ROR1: variants seen among roughly 807,000 people sequenced by gnomAD.
The protein encoded by ROR1 is inactive tyrosine-protein kinase transmembrane receptor ROR1.
A neutral mutation model predicts 78.8 loss-of-function variants in ROR1; 19 were observed. The ratio of observed to expected loss-of-function variants is 0.24; its 90% CI spans 0.17 to 0.35. The LOEUF is 0.35. Among genes scored for constraint, ROR1 ranks in the 10% least tolerant of loss-of-function variants. The pLI, the probability that ROR1 is intolerant of heterozygous loss-of-function variation, is 1.00. For missense variants in ROR1, 917 were observed against 1,177.8 expected (o/e 0.78, Z 3.24); for synonymous variants, 386 against 433.6 (o/e 0.89, Z 1.36).
intron 4 of ROR1, among the ~76,000 whole-genome samples, chr1:64,101,626 C>T (rs899078114): frequency 5.3e-5 from 8 of 152,056 alleles, no homozygotes; most frequent in Admixed American, 3.9e-4. Flanking sequence ...GCTTGTGGAG[C>T]TTACATTCTT....
intron 1 of ROR1, among the ~76,000 whole-genome samples, chr1:64,000,203 G>C (rs1646371407): frequency 6.6e-6 from 1 of 151,962 alleles, no homozygotes. Flanking sequence ...CAGTCAAGTG[G>C]AAATAGGAAA....
At chr1:64,088,992 A>AT (rs1168216535) in intron 4 of ROR1, among the ~76,000 whole-genome samples, 4 of 151,712 alleles carry the variant, frequency 2.6e-5, no homozygotes, top group African/African-American at 4.8e-5. Flanking sequence ...TTTTTTAAGA[A>AT]TTTTTTTTAC....
intron 1 of ROR1, among the ~76,000 whole-genome samples, chr1:63,874,998 C>T (rs1287923859): frequency 6.6e-6 from 1 of 152,112 alleles, no homozygotes; most frequent in South Asian, 2.1e-4. Flanking sequence ...ACTAATGGAA[C>T]CAGCATTTGC....
At chr1:64,154,854 C>G (rs1649729093) in intron 7 of ROR1, among the ~76,000 whole-genome samples, 1 of 152,272 alleles carries the variant, frequency 6.6e-6, no homozygotes, top group East Asian at 1.9e-4. Context: ...CCGATTTTCT[C>G]TGTAATGCAT....
At chr1:64,096,974 G>A (rs945554423) in intron 4 of ROR1, among the ~76,000 whole-genome samples, 2 of 151,754 alleles carry the variant, frequency 1.3e-5, no homozygotes, top group African/African-American at 4.8e-5. Context: ...TGATGTCAAG[G>A]ATTCTGACAA....
intron 1 of ROR1, among the ~76,000 whole-genome samples, chr1:63,931,039 G>C (rs1218113466): frequency 6.6e-6 from 1 of 152,158 alleles, no homozygotes; most frequent in Non-Finnish European, 1.5e-5. Flanking sequence ...CCCAACACCT[G>C]GGGAGGCCAA....
intron 1 of ROR1, among the ~76,000 whole-genome samples, chr1:63,845,316 T>G (rs560955480): frequency 6.6e-6 from 1 of 152,318 alleles, no homozygotes; most frequent in East Asian, 1.9e-4. Context: ...TATTAAATGT[T>G]TAAGGTATCA....
intron 1 of ROR1, among the ~76,000 whole-genome samples, chr1:63,890,763 T>C (rs1425608270): frequency 6.6e-6 from 1 of 152,068 alleles, no homozygotes; most frequent in Non-Finnish European, 1.5e-5. Context: ...TGGTCCATTT[T>C]GGAGCAAGAA....
chr1:64,168,895 G>T (rs1264421072), intron 8 of ROR1, among the ~76,000 whole-genome samples: 1 of 152,172 alleles, frequency 6.6e-6, no homozygotes, highest in Non-Finnish European at 1.5e-5. Context: ...TTTATTCCAG[G>T]GGCTCTCAAA....
rs539523332 is a variant in ROR1, at chr1:64,179,308, T to C, written c.*453T>C. On this transcript the variant is annotated 3_prime_UTR_variant, in exon 9 of 9. Transcript: ENST00000371079. ...TTCTTCAGGACAGATGTTCAGGAAT[T>C]ATATTGATTGAATTTAGACTCTGTG... 1 of 155,562 alleles carries C rather than the reference T, an allele frequency of 6.4e-6. No homozygotes were observed. Among genetic ancestry groups the C allele is most frequent in the African/African-American group, 2.4e-5 (1 of 41,602 alleles). 9.6% of individuals were successfully genotyped at this position (155,562 alleles called of 1,614,324 possible).
chr1:63,803,852 G>T (rs1557504477), intron 1 of ROR1, among the ~76,000 whole-genome samples: 1 of 152,098 alleles, frequency 6.6e-6, no homozygotes. Context: ...CCATACCGTG[G>T]AATACTACTT....
chr1:64,137,606 G>C (rs1649160068), intron 5 of ROR1, 110 bp downstream of exon 5: 2 of 1,023,734 alleles, frequency 2.0e-6, no homozygotes, highest in Admixed American at 2.4e-5. Flanking sequence ...ATGGAGGTTG[G>C]GAGCAGGACC....
At chr1:63,985,296 A>G (rs981090263) in intron 1 of ROR1, among the ~76,000 whole-genome samples, 3 of 152,174 alleles carry the variant, frequency 2.0e-5, no homozygotes, top group Admixed American at 6.6e-5. Flanking sequence ...AAGAGCTTCA[A>G]TGCAACAAAC....
chr1:64,142,708 C>A, intron 7 of ROR1, 58 bp downstream of exon 7: 1 of 1,597,402 alleles, frequency 6.3e-7, no homozygotes, highest in South Asian at 1.1e-5. Flanking sequence ...CCCTATCCTA[C>A]CCCTCTTATT....
intron 5 of ROR1, among the ~76,000 whole-genome samples, chr1:64,138,287 T>C: frequency 6.6e-6 from 1 of 152,178 alleles, no homozygotes; most frequent in East Asian, 1.9e-4. Flanking sequence ...CAAATAAAAA[T>C]TCAGGATACC....
At chr1:63,887,200 T>C in intron 1 of ROR1, among the ~76,000 whole-genome samples, 1 of 128,478 alleles carries the variant, frequency 7.8e-6, no homozygotes, top group South Asian at 2.9e-4. Context: ...CCCTACTATT[T>C]CCTGTTTTGT....
chr1:63,866,880 A>G (rs1052534585), intron 1 of ROR1, among the ~76,000 whole-genome samples: 2 of 152,176 alleles, frequency 1.3e-5, no homozygotes, highest in Non-Finnish European at 2.9e-5. Context: ...CTTGAAAGGA[A>G]TAGATTTGAT....
chr1:63,831,051 A>G (rs572425877), intron 1 of ROR1, among the ~76,000 whole-genome samples: 210 of 152,338 alleles, frequency 1.4e-3, no homozygotes, highest in Non-Finnish European at 2.3e-3. Context: ...CTGATGCAAG[A>G]GGTGGGCTCC....
intron 1 of ROR1, among the ~76,000 whole-genome samples, chr1:64,007,521 A>G (rs2100540748): frequency 6.6e-6 from 1 of 152,302 alleles, no homozygotes; most frequent in South Asian, 2.1e-4. Flanking sequence ...ATTACAGTCT[A>G]TTATTAAAGA....
Sources: allele counts gnomAD v4.1 joint callset (sites outside exome capture counted in the v4.1 genomes callset), GRCh38; gene constraint gnomAD v4.1.1; transcripts MANE v1.5; gene names NCBI Gene and HGNC (gene_info 2026-07-23, HGNC 2026-07-21).